Variants in SNRNP200 observed in about 807,000 individuals in gnomAD.
SNRNP200 encodes U5 small nuclear ribonucleoprotein 200 kDa helicase.
In SNRNP200, 66 loss-of-function variants were observed where a neutral mutation model predicts 255.2. That is an observed-to-expected ratio of 0.26 (90% CI 0.21 to 0.32). SNRNP200 has a LOEUF of 0.32. Among genes scored for constraint, SNRNP200 ranks in the 10% least tolerant of loss-of-function variants. The probability of loss-of-function intolerance (pLI) is 1.00; values close to 1 mark genes in which losing one functional copy is unlikely to be tolerated. For synonymous variants in SNRNP200, 939 were observed against 1,027.8 expected (o/e 0.91, Z 1.65); for missense variants, 1,585 against 2,749.8 (o/e 0.58, Z 9.47).
Position 96,298,837 on chromosome 2 carries a change from T to C in SNRNP200, c.860A>G (p.Asp287Gly), listed in dbSNP as rs2063935656. Residue 287 changes from aspartate (D) to glycine (G), a missense_variant, in exon 7 of 45, where the codon GAT becomes GGT. Around this residue, in one of 9 missense-constraint regions of SNRNP200, gnomAD observed 383 missense variants for 645.3 expected, o/e 0.59. Coordinates refer to ENST00000323853, the MANE Select transcript of SNRNP200 (RefSeq NM_014014.5). ...TACCTTCAAAATCTCCAATACTTCA[T>C]CTGCCTTCTTCTGCGACACGATGGC... ...DDAIVSQKKA[D>G]EVLEILKTAS... The C allele has an allele frequency of 6.2e-7, 1 of 1,614,178 alleles. No individual in the cohort carries two copies. Among genetic ancestry groups the C allele is most frequent in the Non-Finnish European group, 8.5e-7 (1 of 1,180,034 alleles).
At chr2:96,299,305 T>C in intron 6 of SNRNP200, 24 bp downstream of exon 6, 2 of 1,603,364 alleles carry the variant, frequency 1.2e-6, no homozygotes, top group Non-Finnish European at 1.7e-6. Flanking sequence ...CTTGTAGCAA[T>C]GAGGAAGAGC....
In SNRNP200 at chr2:96,274,696, GA is replaced by G. The variant is rs901053885; in HGVS notation, c.*315del. On this transcript the variant is annotated 3_prime_UTR_variant, in exon 45 of 45. Transcript: ENST00000323853. ...TGGCCGTGCCCTCAGGTTGGAGAAA[GA>G]AAACTTTTAATTTGGAATCACTACA... 11 of 397,434 alleles carry G rather than the reference GA, an allele frequency of 2.8e-5. No homozygotes were observed. The highest frequency in any genetic ancestry group is 2.1e-4 in the African/African-American group (10 of 48,728). 24.6% of individuals were successfully genotyped at this position (397,434 alleles called of 1,614,324 possible). A position where few individuals can be genotyped will look rare whatever the true frequency, so the allele number is the denominator to read the frequency against.
rs199511035 is a variant in SNRNP200, at chr2:96,278,603, G to C, written c.5432C>G (p.Ala1811Gly). ...CISIEDEMDV[A>G]PLNLGMIAAY... is the part of the protein sequence containing the mutation. Reference sequence around the variant, plus strand: ...GGCGATCATGCCTAGGTTCAGAGGCGCCACGTCCATCTCGTCCTCGATGCT... The same window carrying C: ...GGCGATCATGCCTAGGTTCAGAGGCCCCACGTCCATCTCGTCCTCGATGCT... Residue 1811 changes from alanine (A) to glycine (G), a missense_variant, in exon 38 of 45, where the codon GCG becomes GGG. Coordinates refer to ENST00000323853, the MANE Select transcript of SNRNP200 (RefSeq NM_014014.5). The surrounding 1 kb of genome is among the most constrained non-coding windows in gnomAD (Gnocchi z 6.9). 6.2e-7 allele frequency: 1 copy of C among 1,614,186 alleles called. No individual in the cohort carries two copies. The highest frequency in any genetic ancestry group is 8.5e-7 in the Non-Finnish European group (1 of 1,180,034).
intron 5 of SNRNP200, among the ~76,000 whole-genome samples, chr2:96,300,688 T>C (rs1426187935): frequency 6.6e-6 from 1 of 151,474 alleles, no homozygotes; most frequent in African/African-American, 2.4e-5. Context: ...GCGCGAAACC[T>C]GGGAGGCAGA....
intron 23 of SNRNP200, 40 bp from the exon 24 acceptor site, chr2:96,288,786 TG>T: frequency 6.5e-7 from 1 of 1,534,610 alleles, no homozygotes; most frequent in African/African-American, 1.4e-5. Flanking sequence ...GACCAATCAC[TG>T]AACAGTCCAA....
rs767412371 is a variant in SNRNP200, at chr2:96,287,422, G to A, written c.3484+17C>T. 21 of 1,561,640 alleles carry A rather than the reference G, an allele frequency of 1.3e-5. No homozygotes were observed. The highest frequency in any genetic ancestry group is 4.5e-5 in the East Asian group (2 of 44,656). The stretch of plus-strand genomic sequence containing the variant: ...ACACCCAGGCAGTGAGGACAAGGGC[G>A]AGAGCATCCCACACACCAATCTCAT... On this transcript the variant is annotated intron_variant, in intron 26 of 44. Transcript: ENST00000323853. The surrounding 1 kb of genome is among the most constrained non-coding windows in gnomAD (Gnocchi z 5.7).
In SNRNP200 at chr2:96,293,452, T is replaced by C; in HGVS notation, c.1900A>G (p.Arg634Gly). 1 of 1,613,068 alleles carries C rather than the reference T, an allele frequency of 6.2e-7. No homozygotes were observed. The change falls in exon 15 of 45, where the codon AGG becomes GGG. Residue 634 changes from arginine (R) to glycine (G), a missense_variant. Transcript: ENST00000323853. ...RGPVLEALVA[R>G]AIRNIEMTQE... Reference sequence around the variant, plus strand: ...GTCATCTCAATGTTTCGGATGGCCCTGGCCACTAAAGCTTCTAAGACAGGA... The same window carrying C: ...GTCATCTCAATGTTTCGGATGGCCCCGGCCACTAAAGCTTCTAAGACAGGA...
chr2:96,289,529 T>C lies in SNRNP200; in HGVS notation c.2941-150A>G. On this transcript the variant is annotated intron_variant, in intron 21 of 44. Transcript: ENST00000323853. ...GTCATTATTGTCCTAATAGGACAAC[T>C]GGATGAAGTCACAGCAGTACAAGTG... The C allele has an allele frequency of 3.4e-6, 3 of 884,010 alleles. No individual in the cohort carries two copies. In the South Asian group the frequency reaches 4.2e-5, roughly 12 times the overall value. 54.8% of individuals were successfully genotyped at this position (884,010 alleles called of 1,614,324 possible).
At chr2:96,299,608 C>T (rs1480389803) in intron 5 of SNRNP200, among the ~76,000 whole-genome samples, 181 bp from the exon 6 acceptor site, 2 of 152,180 alleles carry the variant, frequency 1.3e-5, no homozygotes, top group Admixed American at 6.5e-5. Flanking sequence ...CTGCTTAGCA[C>T]GACTTATTAG....
At chr2:96,302,731 CT>C (rs35689100) in intron 3 of SNRNP200, among the ~76,000 whole-genome samples, 1 of 152,184 alleles carries the variant, frequency 6.6e-6, no homozygotes, top group African/African-American at 2.4e-5. Context: ...CCACAATCCC[CT>C]TTTGGGGTTC....
chr2:96,282,259 CCAGCAAAACAGAGAT>C (rs1401957707), intron 34 of SNRNP200: 2 of 319,284 alleles, frequency 6.3e-6, no homozygotes, highest in African/African-American at 4.2e-5. Flanking sequence ...CTCAGCCATG[CCAGCAAAACAGAGAT>C]CACTCTAAGC....
chr2:96,299,254 G>A, intron 6 of SNRNP200, 75 bp downstream of exon 6: 1 of 1,329,550 alleles, frequency 7.5e-7, no homozygotes, highest in Non-Finnish European at 1.1e-6. Context: ...AATGTAACAG[G>A]ACCTAGGCAT....
Position 96,286,396 on chromosome 2 carries a change from G to C in SNRNP200, c.3918C>G (p.Pro1306=). 1.2e-6 allele frequency: 2 copies of C among 1,614,192 alleles called. No homozygotes were observed. Among genetic ancestry groups the C allele is most frequent in the South Asian group, 1.1e-5 (1 of 91,082 alleles). Residue 1306 remains proline (P), a synonymous_variant, in exon 29 of 45, where the codon CCC becomes CCG. Coordinates refer to ENST00000323853, the MANE Select transcript of SNRNP200 (RefSeq NM_014014.5). The surrounding 1 kb of genome is among the most constrained non-coding windows in gnomAD (Gnocchi z 4.8). ...PPPTELLDLQ[P]LPVSALRNSA... ...TGTTTCTCAGAGCAGACACGGGCAA[G>C]GGCTGCAGGTCCAAAAGTTCGGTTG...
chr2:96,283,411 C>T lies in SNRNP200; in HGVS notation c.4764-59G>A, dbSNP rs776084006. ...AGTTCAATTCCTGGCAGACACTTTG[C>T]CAGCTGTGCAGAACCTGGCCCCAAG... is the stretch of plus-strand genomic sequence containing the variant. On this transcript the variant is annotated intron_variant, in intron 33 of 44. Transcript: ENST00000323853. The surrounding 1 kb of genome is among the most constrained non-coding windows in gnomAD (Gnocchi z 4.7). 1 of 1,613,630 alleles carries T rather than the reference C, an allele frequency of 6.2e-7. No homozygotes were observed. The highest frequency in any genetic ancestry group is 8.5e-7 in the Non-Finnish European group (1 of 1,179,824).
rs774010071 is a variant in SNRNP200, at chr2:96,298,330, T to C, written c.1073A>G (p.Lys358Arg). The C allele has an allele frequency of 6.2e-6, 10 of 1,614,238 alleles. No homozygotes were observed. The highest frequency in any genetic ancestry group is 1.7e-5 in the Admixed American group (1 of 60,024). The change falls in exon 9 of 45, where the codon AAG becomes AGG. Residue 358 changes from lysine to arginine, a missense_variant. Physicochemically the swap from Lys to Arg is conservative, Grantham distance 26. Coordinates refer to ENST00000323853, the MANE Select transcript of SNRNP200 (RefSeq NM_014014.5). ...GGTTTCATGAAGCTGGTAGAGGAAC[T>C]TGGATAGCTCTGGGTCAGCTTCCAT... ...GKMEADPELSKFLYQLHETEK... is the reference protein window; with the variant it reads ...GKMEADPELSRFLYQLHETEK...
At chr2:96,301,779 G>C (rs1478782024) in intron 3 of SNRNP200, 63 bp from the exon 4 acceptor site, 3 of 1,578,872 alleles carry the variant, frequency 1.9e-6, no homozygotes, top group African/African-American at 2.7e-5. Flanking sequence ...CTTCAACCAG[G>C]TGTATGTGGC....
chr2:96,295,802 T>C (rs2063913310), intron 13 of SNRNP200, 144 bp from the exon 14 acceptor site: 1 of 847,014 alleles, frequency 1.2e-6, no homozygotes, highest in East Asian at 2.7e-5. Context: ...CTTATGAACA[T>C]ATCTTCCTCA....
At chr2:96,293,830 G>C (rs1188012201) in intron 14 of SNRNP200, among the ~76,000 whole-genome samples, 1 of 152,188 alleles carries the variant, frequency 6.6e-6, no homozygotes, top group Non-Finnish European at 1.5e-5. Flanking sequence ...GATCTGATCA[G>C]AAGCTTCACC....
In SNRNP200 at chr2:96,287,031, G is replaced by A. The variant is rs376746667; in HGVS notation, c.3614C>T (p.Thr1205Met). The A allele has an allele frequency of 1.7e-5, 28 of 1,614,094 alleles. No homozygotes were observed. Among genetic ancestry groups the A allele is most frequent in the Non-Finnish European group, 2.0e-5 (24 of 1,180,046 alleles). ...RSTLKVELTI[T>M]PDFQWDEKVH... ...CTTTTCATCCCACTGGAAGTCTGGC[G>A]TGATGGTCAGCTCCACCTTCAGGGT... Residue 1205 changes from threonine (T) to methionine (M), a missense_variant, in exon 27 of 45, where the codon ACG becomes ATG. Thr to Met is a moderately conservative substitution (Grantham distance 81). Transcript: ENST00000323853. This position sits in a 1 kb window ranked among gnomAD's most constrained non-coding sequence, Gnocchi z 5.7.
Sources: allele counts gnomAD v4.1 joint callset (sites outside exome capture counted in the v4.1 genomes callset), GRCh38; gene constraint gnomAD v4.1.1; regional missense constraint gnomAD v4.1.1; non-coding constraint Gnocchi (gnomAD v3.1); transcripts MANE v1.5; gene names NCBI Gene and HGNC (gene_info 2026-07-23, HGNC 2026-07-21).